Variants in CHODL observed in about 807,000 individuals in gnomAD.
CHODL encodes the protein transmembrane protein MT75.
In CHODL, 29 loss-of-function variants were observed where a neutral mutation model predicts 34.5. The ratio of observed to expected loss-of-function variants is 0.84; its 90% CI spans 0.63 to 1.15. The LOEUF (loss-of-function observed/expected upper bound fraction) is 1.15, where lower values mean the gene tolerates loss of function less well. Among genes scored for constraint, CHODL ranks in the 50% most tolerant of loss-of-function variants. The probability of loss-of-function intolerance (pLI) is 0.00; values close to 1 mark genes in which losing one functional copy is unlikely to be tolerated. For missense variants in CHODL, 332 were observed against 332.5 expected (o/e 1.00, Z 0.01); for synonymous variants, 125 against 116.1 (o/e 1.08, Z -0.49).
At position 17,999,596 on chromosome 21, in the gene CHODL, G is replaced by A. The variant is rs149791545; in HGVS notation, c.-144-28276G>A. Among the ~76,000 whole-genome samples the A allele has an allele frequency of 5.5e-3, 843 of 152,308 alleles. 6 individuals carry two copies. Among genetic ancestry groups the A allele is most frequent in the African/African-American group, 0.013 (559 of 41,548 alleles). ...GTGGGAGATGAAAGGCACTTCTTAC[G>A]TGATGGCAGCAAGAGAAAAATGAGG... On this transcript the variant is annotated intron_variant, in intron 1 of 6. Coordinates refer to the CHODL transcript ENST00000400127.
chr21:17,985,110 A>T (rs569394080), intron 1 of CHODL, among the ~76,000 whole-genome samples: 1 of 152,292 alleles, frequency 6.6e-6, no homozygotes, highest in South Asian at 2.1e-4. Flanking sequence ...TTGGGATTGC[A>T]TTAAGTTTAT....
chr21:18,013,915 G>A (rs144045914), intron 1 of CHODL, among the ~76,000 whole-genome samples: 11,845 of 152,070 alleles, frequency 0.078, 592 homozygotes, highest in Non-Finnish European at 0.12. Flanking sequence ...GATTACCGGC[G>A]TGAGCCACCG....
chr21:18,259,651 G>A (rs538373005), intron 3 of CHODL, among the ~76,000 whole-genome samples: 4 of 152,288 alleles, frequency 2.6e-5, no homozygotes, highest in Non-Finnish European at 5.9e-5. Context: ...GACACTATTG[G>A]AAAGCAAATC....
chr21:18,265,079 G>A (rs539984303), intron 5 of CHODL, among the ~76,000 whole-genome samples: 32 of 151,754 alleles, frequency 2.1e-4, no homozygotes, highest in African/African-American at 7.0e-4. Flanking sequence ...TGAATAAAAC[G>A]GAAATGTTTA....
chr21:18,204,476 CTAGGTCATACCA>C (rs977219016), intron 2 of CHODL, among the ~76,000 whole-genome samples: 2 of 152,226 alleles, frequency 1.3e-5, no homozygotes, highest in East Asian at 1.9e-4. Context: ...ATGCTTATCT[CTAGGTCATACCA>C]TAGGTCATAC....
In CHODL at chr21:18,007,030, T is replaced by C. The variant is rs998863287; in HGVS notation, c.-144-20842T>C. ...TGCATCATTAAACGTAAGTATATTGTGTTGATGAAATGAGATTGAAAAATC... is the reference window on the plus strand; with the variant it reads ...TGCATCATTAAACGTAAGTATATTGCGTTGATGAAATGAGATTGAAAAATC... On this transcript the variant is annotated intron_variant, in intron 1 of 6. Coordinates refer to the CHODL transcript ENST00000400127. Among the ~76,000 whole-genome samples, 4 of 152,312 alleles carry C rather than the reference T, an allele frequency of 2.6e-5. No homozygotes were observed. In the East Asian group the frequency reaches 7.7e-4, roughly 29 times the overall value.
intron 2 of CHODL, among the ~76,000 whole-genome samples, chr21:18,075,185 C>T (rs2146505313): frequency 6.6e-6 from 1 of 152,252 alleles, no homozygotes; most frequent in South Asian, 2.1e-4. Flanking sequence ...ACTACATGGA[C>T]TAAAGAATGC....
intron 2 of CHODL, among the ~76,000 whole-genome samples, chr21:18,231,705 T>G (rs988981387): frequency 6.6e-6 from 1 of 152,128 alleles, no homozygotes; most frequent in Non-Finnish European, 1.5e-5. Context: ...TTCAGAGTCT[T>G]TTCATCTGTC....
intron 2 of CHODL, among the ~76,000 whole-genome samples, chr21:18,091,436 T>A (rs1447814439): frequency 6.6e-6 from 1 of 152,126 alleles, no homozygotes; most frequent in Non-Finnish European, 1.5e-5. Context: ...GTACAGCTTA[T>A]AGCAATGAAA....
chr21:17,957,512 A>C (rs113628732), intron 1 of CHODL, among the ~76,000 whole-genome samples: 4 of 152,134 alleles, frequency 2.6e-5, no homozygotes, highest in African/African-American at 9.7e-5. Context: ...TTGTAATGTT[A>C]TGAAGAAAAT....
At chr21:18,035,717 T>C (rs2064301005) in intron 2 of CHODL, among the ~76,000 whole-genome samples, 2 of 152,202 alleles carry the variant, frequency 1.3e-5, no homozygotes, top group Middle Eastern at 3.4e-3. Flanking sequence ...CTTCAAAACC[T>C]AATCTGCTAT....
chr21:18,153,539 T>C (rs1280089998), intron 2 of CHODL, among the ~76,000 whole-genome samples: 2 of 152,144 alleles, frequency 1.3e-5, no homozygotes, highest in Non-Finnish European at 2.9e-5. Flanking sequence ...TCTGCCTTTT[T>C]CCCTGCTTTT....
At chr21:18,134,298 A>G (rs1486313492) in intron 2 of CHODL, 1 of 515,614 alleles carries the variant, frequency 1.9e-6, no homozygotes, top group South Asian at 1.4e-5. Flanking sequence ...GCCACTGTTA[A>G]CTTGTGGATC....
At chr21:18,130,855 G>A (rs926550595) in intron 2 of CHODL, among the ~76,000 whole-genome samples, 1 of 152,180 alleles carries the variant, frequency 6.6e-6, no homozygotes, top group Non-Finnish European at 1.5e-5. Flanking sequence ...ACTGAAACAT[G>A]TTGAAGTGGT....
At chr21:17,919,541 C>G (rs758233734) in intron 1 of CHODL, among the ~76,000 whole-genome samples, 1 of 152,096 alleles carries the variant, frequency 6.6e-6, no homozygotes, top group Non-Finnish European at 1.5e-5. Flanking sequence ...CAGAGGGACC[C>G]TAGGTCTGGC....
chr21:17,976,822 T>C (rs1281146487), intron 1 of CHODL, among the ~76,000 whole-genome samples: 1 of 152,214 alleles, frequency 6.6e-6, no homozygotes, highest in Non-Finnish European at 1.5e-5. Flanking sequence ...CAACCTGAAA[T>C]AACAAGACAC....
chr21:17,959,696 A>G (rs1214056401), intron 1 of CHODL, among the ~76,000 whole-genome samples: 2 of 152,188 alleles, frequency 1.3e-5, no homozygotes, highest in East Asian at 3.8e-4. Context: ...CCAAAAGTTC[A>G]CAGACTGAGT....
chr21:18,007,504 C>T (rs1246537582), intron 1 of CHODL, among the ~76,000 whole-genome samples: 2 of 152,134 alleles, frequency 1.3e-5, no homozygotes, highest in Non-Finnish European at 2.9e-5. Flanking sequence ...GCATCTATTA[C>T]ATCTTGAGGT....
rs1396558334 is a variant in CHODL at position 18,002,995 on chromosome 21, C to T, written c.-144-24877C>T. 5.3e-5 allele frequency among the ~76,000 whole-genome samples: 8 copies of T among 152,046 alleles called. No individual in the cohort carries two copies. The South Asian group carries it at 8.3e-4, about 16-fold the overall frequency. On this transcript the variant is annotated intron_variant, in intron 1 of 6. Transcript: ENST00000400127. ...AAAATTAGCCGGGCGAGGTGGCGGG[C>T]GCCTGTAGTCCCAGCTACTCGGGAG...
Sources: allele counts gnomAD v4.1 joint callset (sites outside exome capture counted in the v4.1 genomes callset), GRCh38; gene constraint gnomAD v4.1.1; transcripts MANE v1.5; gene names NCBI Gene and HGNC (gene_info 2026-07-23, HGNC 2026-07-21).